CDH18: variants seen among roughly 807,000 people sequenced by gnomAD.
CDH18 encodes the protein cadherin-18.
In CDH18, 31 loss-of-function variants were observed where a neutral mutation model predicts 67.9. That is an observed-to-expected ratio of 0.46 (90% CI 0.34 to 0.62). The LOEUF is 0.62. Ranked by LOEUF, CDH18 falls within the 20% of genes least tolerant of loss-of-function variation. The probability of loss-of-function intolerance (pLI) is 0.01; values close to 1 mark genes in which losing one functional copy is unlikely to be tolerated. For missense variants in CDH18, 890 were observed against 975.5 expected (o/e 0.91, Z 1.17); for synonymous variants, 362 against 347.2 (o/e 1.04, Z -0.48).
intron 2 of CDH18, among the ~76,000 whole-genome samples, chr5:20,143,275 G>C (rs1750384881): frequency 6.6e-6 from 1 of 152,146 alleles, no homozygotes; most frequent in African/African-American, 2.4e-5. Flanking sequence ...GGTGAACCTT[G>C]CTCAAATAAC....
At chr5:20,572,804 T>C (rs1253489677) in intron 1 of CDH18, among the ~76,000 whole-genome samples, 1 of 152,144 alleles carries the variant, frequency 6.6e-6, no homozygotes, top group African/African-American at 2.4e-5. Flanking sequence ...GAAAGGTATG[T>C]GATACTATGG....
intron 2 of CDH18, among the ~76,000 whole-genome samples, chr5:20,095,299 A>AAAAGAAAGAAAG (rs201165191): frequency 9.6e-5 from 7 of 72,888 alleles, no homozygotes; most frequent in Admixed American, 1.9e-4. Context: ...AACTTAAAGT[A>AAAAGAAAGAAAG]AAAGAAAGAA....
At chr5:20,404,853 A>G (rs67911776) in intron 1 of CDH18, among the ~76,000 whole-genome samples, 37,124 of 152,060 alleles carry the variant, frequency 0.24, 5,107 homozygotes, top group East Asian at 0.5. Flanking sequence ...GTGAAGCGCA[A>G]TAAAGTAAAA....
At chr5:20,574,096 G>A (rs762265458) in intron 1 of CDH18, among the ~76,000 whole-genome samples, 7 of 151,018 alleles carry the variant, frequency 4.6e-5, no homozygotes, top group East Asian at 2.0e-4. Flanking sequence ...CTTCTGATAC[G>A]ATTATATCAA....
chr5:19,505,125 T>C (rs1375767788), intron 10 of CDH18, among the ~76,000 whole-genome samples: 1 of 152,140 alleles, frequency 6.6e-6, no homozygotes, highest in Non-Finnish European at 1.5e-5. Context: ...CAATCGTGTT[T>C]TTTTAAGAGA....
intron 2 of CDH18, chr5:19,886,276 A>C (rs1220950365): frequency 2.0e-5 from 3 of 152,158 alleles, no homozygotes; most frequent in Non-Finnish European, 4.4e-5. Context: ...ACTTAAAATG[A>C]AAATGCACCC....
chr5:19,704,652 T>C (rs1349941090), intron 5 of CDH18, among the ~76,000 whole-genome samples: 2 of 152,142 alleles, frequency 1.3e-5, no homozygotes, highest in Non-Finnish European at 2.9e-5. Context: ...TACCTTAAAA[T>C]GGTTAACAGA....
At chr5:20,496,912 TAAAAATAA>T (rs1363130881) in intron 1 of CDH18, among the ~76,000 whole-genome samples, 2 of 151,472 alleles carry the variant, frequency 1.3e-5, no homozygotes, top group African/African-American at 4.9e-5. Flanking sequence ...TTTACAAAAA[TAAAAATAA>T]AAAAATAAAA....
chr5:19,962,794 T>C (rs1347646316), intron 2 of CDH18, among the ~76,000 whole-genome samples: 3 of 151,952 alleles, frequency 2.0e-5, no homozygotes, highest in African/African-American at 7.3e-5. Flanking sequence ...AATAAATACA[T>C]CTTAAGGAGA....
intron 1 of CDH18, among the ~76,000 whole-genome samples, chr5:20,318,442 A>G (rs574971129): frequency 6.6e-6 from 1 of 152,146 alleles, no homozygotes; most frequent in South Asian, 2.1e-4. Flanking sequence ...CTGTAGTCCT[A>G]GTTTTGGAGG....
At chr5:20,468,661 A>G (rs758539876) in intron 1 of CDH18, among the ~76,000 whole-genome samples, 1 of 152,206 alleles carries the variant, frequency 6.6e-6, no homozygotes, top group African/African-American at 2.4e-5. Context: ...TTTAGAGTCC[A>G]TGTAAAACCA....
intron 1 of CDH18, among the ~76,000 whole-genome samples, chr5:20,275,486 G>C (rs1745740134): frequency 6.6e-6 from 1 of 152,060 alleles, no homozygotes; most frequent in Admixed American, 6.6e-5. Flanking sequence ...CCTAATCTCA[G>C]GTACTTCTTT....
rs139919919 is a variant in CDH18, at chr5:20,283,643, A to G, written c.-579-28138T>C. The stretch of plus-strand genomic sequence containing the variant: ...CGTAGAGAAAAGGGAACCCTTGTAC[A>G]CGGTTGGTGGGAAAGTAAATTGTCA... On this transcript the variant is annotated intron_variant, in intron 1 of 14. Transcript: ENST00000507958. 3.8e-3 allele frequency among the ~76,000 whole-genome samples: 581 copies of G among 152,260 alleles called. 3 individuals are homozygous for G. Among genetic ancestry groups the G allele is most frequent in the African/African-American group, 0.013 (558 of 41,580 alleles).
At chr5:20,242,609 A>ATATATATATAT (rs1189797832) in intron 2 of CDH18, among the ~76,000 whole-genome samples, 2 of 87,110 alleles carry the variant, frequency 2.3e-5, no homozygotes, top group African/African-American at 1.3e-4. Context: ...AAAAAAAAAA[A>ATATATATATAT]AAATATATAT....
At chr5:20,272,201 A>G (rs1745487631) in intron 1 of CDH18, among the ~76,000 whole-genome samples, 1 of 152,094 alleles carries the variant, frequency 6.6e-6, no homozygotes, top group Non-Finnish European at 1.5e-5. Context: ...CTGTAAACCA[A>G]ATCTGAATAG....
intron 1 of CDH18, among the ~76,000 whole-genome samples, chr5:20,343,882 A>T (rs1178475361): frequency 6.6e-6 from 1 of 152,190 alleles, no homozygotes; most frequent in African/African-American, 2.4e-5. Flanking sequence ...GCAGTAATAC[A>T]TTGCAAAGTC....
At chr5:20,121,145 T>C (rs1748322814) in intron 2 of CDH18, among the ~76,000 whole-genome samples, 1 of 152,170 alleles carries the variant, frequency 6.6e-6, no homozygotes, top group Non-Finnish European at 1.5e-5. Flanking sequence ...AAGCGCACAG[T>C]GTATACAAGA....
At chr5:19,895,841 C>T (rs1379849801) in intron 2 of CDH18, among the ~76,000 whole-genome samples, 1 of 152,004 alleles carries the variant, frequency 6.6e-6, no homozygotes, top group Non-Finnish European at 1.5e-5. Context: ...TAAGTAATTT[C>T]CAGGGGTGAG....
intron 10 of CDH18, among the ~76,000 whole-genome samples, chr5:19,508,645 C>T (rs752920871): frequency 2.8e-4 from 42 of 151,786 alleles, no homozygotes; most frequent in Non-Finnish European, 4.3e-4. Context: ...ATAGATGTAT[C>T]CACTTTTAAA....
Sources: gnomAD v4.1 joint callset for allele counts (sites outside exome capture counted in the v4.1 genomes callset) on GRCh38, gnomAD v4.1.1 for gene constraint, MANE v1.5 for transcripts, NCBI Gene and HGNC (gene_info 2026-07-23, HGNC 2026-07-21) for gene names.